NDUFAF6: variants seen among roughly 807,000 people sequenced by gnomAD.
NDUFAF6 encodes the protein NADH:ubiquinone oxidoreductase complex assembly factor 6.
NDUFAF6 carries 45 observed loss-of-function variants against 40.8 expected under a neutral mutation model. The observed-to-expected ratio is 1.10, with a 90% CI of 0.87 to 1.42. The LOEUF (loss-of-function observed/expected upper bound fraction) is 1.42, where lower values mean the gene tolerates loss of function less well. Among genes scored for constraint, NDUFAF6 ranks in the 40% most tolerant of loss-of-function variants. The pLI is 0.00. For synonymous variants in NDUFAF6, 185 were observed against 155.9 expected, an observed-to-expected ratio of 1.19 and a Z score of -1.39; for missense variants, 435 against 418.5, an observed-to-expected ratio of 1.04 and a Z score of -0.34.
At chr8:95,042,327 G>A (rs1371066290) in intron 4 of NDUFAF6, among the ~76,000 whole-genome samples, 1 of 152,164 alleles carries the variant, frequency 6.6e-6, no homozygotes, top group Non-Finnish European at 1.5e-5. Flanking sequence ...TGTTGTCATG[G>A]AAATATGTAA....
chr8:94,994,791 C>T (rs1017831291), intron 2 of NDUFAF6, among the ~76,000 whole-genome samples: 3 of 152,144 alleles, frequency 2.0e-5, no homozygotes, highest in Non-Finnish European at 4.4e-5. Flanking sequence ...TATCATATGC[C>T]ATTGCACTCT....
intron 9 of NDUFAF6, among the ~76,000 whole-genome samples, chr8:95,073,391 C>A (rs1414095160): frequency 3.3e-5 from 5 of 152,206 alleles, no homozygotes; most frequent in Non-Finnish European, 5.9e-5. Context: ...GAGTAGGCAG[C>A]GCCACCTCTC....
chr8:95,018,470 A>G (rs1827559534), intron 2 of NDUFAF6, among the ~76,000 whole-genome samples: 1 of 152,100 alleles, frequency 6.6e-6, no homozygotes, highest in African/African-American at 2.4e-5. Context: ...AAAATGTTTG[A>G]GCAACTACTC....
chr8:94,978,912 C>T (rs1825186139), intron 1 of NDUFAF6, among the ~76,000 whole-genome samples: 1 of 152,108 alleles, frequency 6.6e-6, no homozygotes, highest in Non-Finnish European at 1.5e-5. Flanking sequence ...TAACCTGTGG[C>T]ATCTACAGTA....
chr8:95,038,761 T>C (rs1211938607), intron 3 of NDUFAF6, among the ~76,000 whole-genome samples: 1 of 152,152 alleles, frequency 6.6e-6, no homozygotes, highest in African/African-American at 2.4e-5. Flanking sequence ...CACTGCAACG[T>C]CTGCTTCCTG....
At chr8:94,985,878 C>CT (rs781261737) in intron 2 of NDUFAF6, among the ~76,000 whole-genome samples, 1,601 of 136,448 alleles carry the variant, frequency 0.012, 23 homozygotes, top group African/African-American at 0.036. Flanking sequence ...TTCTTCCTTT[C>CT]TTTTTTTTTT....
intron 9 of NDUFAF6, among the ~76,000 whole-genome samples, chr8:95,070,840 T>G (rs992511128): frequency 6.6e-6 from 1 of 152,134 alleles, no homozygotes; most frequent in African/African-American, 2.4e-5. Context: ...ACAGAAAAAC[T>G]CTCTATTGGT....
At chr8:95,078,660 A>ATATATATATATAT (rs542717810), downstream of NDUFAF6, 4 of 58,576 alleles carry the variant, frequency 6.8e-5, no homozygotes, top group African/African-American at 1.6e-4. Flanking sequence ...AAAAAAAAAA[A>ATATATATATATAT]AAATATATAT....
intron 9 of NDUFAF6, chr8:95,069,201 G>A (rs1832772347): frequency 6.6e-6 from 1 of 151,914 alleles, no homozygotes; most frequent in African/African-American, 2.4e-5. Flanking sequence ...CCATGAACAA[G>A]GTAAACAAGG....
chr8:94,896,776 C>G (rs1051839843), intron 1 of NDUFAF6: 2 of 152,178 alleles, frequency 1.3e-5, no homozygotes, highest in Non-Finnish European at 2.9e-5. Context: ...GCTTGAGGCC[C>G]GGGAAATAGC....
rs928815583 is a variant in NDUFAF6, at chr8:94,934,490, A to C, written c.-935-10993A>C. Among the ~76,000 whole-genome samples the C allele has an allele frequency of 2.0e-5, 3 of 151,928 alleles. No individual in the cohort carries two copies. The East Asian group carries it at 5.8e-4, about 29-fold the overall frequency. On this transcript the variant is annotated intron_variant, in intron 1 of 14. Coordinates refer to the NDUFAF6 transcript ENST00000396113. The stretch of plus-strand genomic sequence containing the variant: ...AACCTCTGCCTCCCGGGTTCAAGCA[A>C]TTCTCCTGCCTCAGCCTCCCTAGTA...
chr8:94,927,922 AG>A (rs1025557008), intron 1 of NDUFAF6: 51 of 152,016 alleles, frequency 3.4e-4, no homozygotes, highest in African/African-American at 1.1e-3. Flanking sequence ...CAAAAAAAAA[AG>A]CTCATAAAAT....
intron 1 of NDUFAF6, among the ~76,000 whole-genome samples, chr8:94,917,617 C>G (rs936557544): frequency 6.6e-6 from 1 of 152,042 alleles, no homozygotes; most frequent in Non-Finnish European, 1.5e-5. Flanking sequence ...AAGAATCTCT[C>G]AGTCTTAGAA....
intron 1 of NDUFAF6, among the ~76,000 whole-genome samples, chr8:94,970,253 CAAAAAAA>C (rs891358442): frequency 6.4e-5 from 4 of 62,936 alleles, no homozygotes; most frequent in Non-Finnish European, 9.0e-5. Flanking sequence ...GACTCCGTCT[CAAAAAAA>C]AAAAAAAAAA....
intron 1 of NDUFAF6, among the ~76,000 whole-genome samples, chr8:94,972,277 C>T (rs1024040141): frequency 3.3e-5 from 5 of 152,038 alleles, no homozygotes; most frequent in African/African-American, 1.2e-4. Context: ...AGTCTCGCTC[C>T]ATTGCAAAGG....
chr8:94,902,384 A>G (rs943154411), intron 1 of NDUFAF6, among the ~76,000 whole-genome samples: 4 of 149,758 alleles, frequency 2.7e-5, no homozygotes, highest in African/African-American at 9.9e-5. Flanking sequence ...ATGCCATTGC[A>G]CTCCAGCCTG....
Position 95,041,638 on chromosome 8 carries a change from T to G in NDUFAF6, c.477+12T>G. 6.2e-7 allele frequency: 1 copy of G among 1,607,196 alleles called. No homozygotes were observed. Among genetic ancestry groups the G allele is most frequent in the Non-Finnish European group, 8.5e-7 (1 of 1,173,818 alleles). On this transcript the variant is annotated intron_variant, in intron 4 of 8. Coordinates refer to ENST00000396124, the MANE Select transcript of NDUFAF6 (RefSeq NM_152416.4). ...TCGTCGATGAAAGAGTGAGTCAAAATTGTTCAAGTCTTAAGTTTTTTCTTC... is the reference window on the plus strand; with the variant it reads ...TCGTCGATGAAAGAGTGAGTCAAAAGTGTTCAAGTCTTAAGTTTTTTCTTC...
At chr8:95,109,706 C>G (rs528976581) in intron 4 of NDUFAF6, among the ~76,000 whole-genome samples, 10 of 152,112 alleles carry the variant, frequency 6.6e-5, no homozygotes, top group African/African-American at 2.4e-4. Flanking sequence ...TCACATCTTC[C>G]TTTTCTGACT....
intron 2 of NDUFAF6, among the ~76,000 whole-genome samples, chr8:95,084,589 A>G (rs1010533508): frequency 2.6e-5 from 4 of 152,228 alleles, no homozygotes; most frequent in African/African-American, 9.6e-5. Context: ...CATTGGCGTC[A>G]CTTTCCAATA....
Sources: gnomAD v4.1 joint callset for allele counts (sites outside exome capture counted in the v4.1 genomes callset) on GRCh38, gnomAD v4.1.1 for gene constraint, MANE v1.5 for transcripts, NCBI Gene and HGNC (gene_info 2026-07-23, HGNC 2026-07-21) for gene names.